TRIM6: variants seen among roughly 807,000 people sequenced by gnomAD.
TRIM6 encodes the protein tripartite motif-containing protein 6.
A neutral mutation model predicts 51.2 loss-of-function variants in TRIM6; 43 were observed. That is an observed-to-expected ratio of 0.84 (90% CI 0.66 to 1.08). The LOEUF is 1.08. TRIM6 is among the 50% of genes least tolerant of loss of function. The pLI is 0.00. For synonymous variants in TRIM6, 215 were observed against 232.4 expected, an observed-to-expected ratio of 0.93 and a Z score of 0.68; for missense variants, 669 against 619.0, an observed-to-expected ratio of 1.08 and a Z score of -0.86.
At chr11:5,610,464 G>T in intron 6 of TRIM6, 71 bp from the exon 7 acceptor site, 1 of 1,612,152 alleles carries the variant, frequency 6.2e-7, no homozygotes, top group Non-Finnish European at 8.5e-7. Flanking sequence ...CCTCAATGTA[G>T]TAAGGAGAGA....
chr11:5,602,001 C>G (rs2133825944), intron 1 of TRIM6, among the ~76,000 whole-genome samples: 1 of 152,204 alleles, frequency 6.6e-6, no homozygotes, highest in East Asian at 1.9e-4. Flanking sequence ...TTCTGACCCC[C>G]TCATTCATCC....
intron 1 of TRIM6, among the ~76,000 whole-genome samples, chr11:5,600,954 A>C (rs7125514): frequency 0.63 from 95,171 of 151,956 alleles, 29,943 homozygotes; most frequent in Middle Eastern, 0.8. Flanking sequence ...TTTTCTAAAG[A>C]GTATTCTCAG....
At chr11:5,609,439 G>C (rs541124640) in intron 5 of TRIM6, among the ~76,000 whole-genome samples, 2 of 152,178 alleles carry the variant, frequency 1.3e-5, no homozygotes, top group South Asian at 4.2e-4. Context: ...ATAGGCCCCT[G>C]GTGTTCTGCC....
Position 5,597,032 on chromosome 11 carries a change from T to C in TRIM6, c.17+118T>C, listed in dbSNP as rs1039882777. 60 of 1,539,348 alleles carry C rather than the reference T, an allele frequency of 3.9e-5. No homozygotes were observed. In the African/African-American group the frequency reaches 8.1e-4, roughly 21 times the overall value. On this transcript the variant is annotated intron_variant, in intron 1 of 7. Transcript: ENST00000380097. Reference sequence around the variant, plus strand: ...CTCATTATATCTTTATTTCTTTTTCTTTCTCACTGCAAATGACCCCACTGA... The same window carrying C: ...CTCATTATATCTTTATTTCTTTTTCCTTCTCACTGCAAATGACCCCACTGA...
Position 5,596,787 on chromosome 11 carries a change from T to C in TRIM6, c.-111T>C. On this transcript the variant is annotated 5_prime_UTR_variant, in exon 1 of 8. Coordinates refer to ENST00000380097, the MANE Select transcript of TRIM6 (RefSeq NM_001003818.3). ...TGGTTGAGTTTAGATAAAAGCCGAG[T>C]GAGCGCGCTCTGTTCCTTAAGATTA... The C allele has an allele frequency of 6.4e-7, 1 of 1,565,964 alleles. No individual in the cohort carries two copies. Among genetic ancestry groups the C allele is most frequent in the Non-Finnish European group, 8.8e-7 (1 of 1,140,518 alleles).
Position 5,596,639 on chromosome 11 carries a change from A to G in TRIM6, c.-259A>G, listed in dbSNP as rs1847480686. 2 of 422,120 alleles carry G rather than the reference A, an allele frequency of 4.7e-6. No individual in the cohort carries two copies. The highest frequency in any genetic ancestry group is 8.3e-6 in the Non-Finnish European group (2 of 239,706). 26.1% of individuals were successfully genotyped at this position (422,120 alleles called of 1,614,324 possible). A position where few individuals can be genotyped will look rare whatever the true frequency, so the allele number is the denominator to read the frequency against. ...CCCCAGGCGGCCCGACTCCTCCCAG[A>G]AGGAGTTGGGAGATGAGCCTTCCGC... On this transcript the variant is annotated 5_prime_UTR_variant, in exon 1 of 8. Coordinates refer to ENST00000380097, the MANE Select transcript of TRIM6 (RefSeq NM_001003818.3).
intron 2 of TRIM6, among the ~76,000 whole-genome samples, chr11:5,604,261 G>A (rs546067208): frequency 5.9e-5 from 9 of 152,214 alleles, no homozygotes; most frequent in Middle Eastern, 3.4e-3. Flanking sequence ...CAATCCACCC[G>A]CCTCAGCCTC....
Position 5,596,788 on chromosome 11 carries a change from G to T in TRIM6, c.-110G>T. On this transcript the variant is annotated 5_prime_UTR_variant, in exon 1 of 8. Transcript: ENST00000380097. ...GGTTGAGTTTAGATAAAAGCCGAGT[G>T]AGCGCGCTCTGTTCCTTAAGATTAG... 1 of 1,567,844 alleles carries T rather than the reference G, an allele frequency of 6.4e-7. No homozygotes were observed.
Position 5,605,561 on chromosome 11 carries a change from G to GGGCCGGGCGCGGTGGCTCACGCCTGTAAT in TRIM6, c.828_829insGGCCGGGCGCGGTGGCTCACGCCTGTAAT (p.Leu277GlyfsTer14). 1 of 1,612,432 alleles carries GGGCCGGGCGCGGTGGCTCACGCCTGTAAT rather than the reference G, an allele frequency of 6.2e-7. No homozygotes were observed. The highest frequency in any genetic ancestry group is 8.5e-7 in the Non-Finnish European group (1 of 1,179,306). Reference sequence around the variant, plus strand: ...GATGTCAGGGGTCAACAATGGAGCTGCTGCAGGTAAGGCTTGTGAAGGAGC... The same window carrying GGGCCGGGCGCGGTGGCTCACGCCTGTAAT: ...GATGTCAGGGGTCAACAATGGAGCTGGGCCGGGCGCGGTGGCTCACGCCTGTAATCTGCAGGTAAGGCTTGTGAAGGAGC... On this transcript the variant is annotated frameshift_variant, in exon 4 of 8. Transcript: ENST00000380097. LOFTEE classifies it high-confidence loss of function.
chr11:5,610,283 T>C (rs1370756619), intron 6 of TRIM6, 38 bp downstream of exon 6: 1 of 1,613,348 alleles, frequency 6.2e-7, no homozygotes, highest in Non-Finnish European at 8.5e-7. Flanking sequence ...GATGTGAAAT[T>C]ACTGTCGTGG....
intron 1 of TRIM6, among the ~76,000 whole-genome samples, chr11:5,600,761 G>A (rs1224925334): frequency 2.0e-5 from 3 of 152,064 alleles, no homozygotes; most frequent in Non-Finnish European, 2.9e-5. Flanking sequence ...AGAGAATTCT[G>A]CCTGCTCCCT....
At chr11:5,602,266 T>A (rs111575779) in intron 1 of TRIM6, among the ~76,000 whole-genome samples, 1 of 141,026 alleles carries the variant, frequency 7.1e-6, no homozygotes, top group South Asian at 2.2e-4. Flanking sequence ...CAGTGAAACC[T>A]CATCTCTACT....
chr11:5,609,846 C>G (rs1450500749), intron 5 of TRIM6, among the ~76,000 whole-genome samples: 1 of 152,152 alleles, frequency 6.6e-6, no homozygotes, highest in African/African-American at 2.4e-5. Flanking sequence ...TCGCTTGAAC[C>G]TGGGAGGTGG....
At chr11:5,610,593 C>G in intron 7 of TRIM6, 32 bp downstream of exon 7, 1 of 1,605,200 alleles carries the variant, frequency 6.2e-7, no homozygotes, top group Non-Finnish European at 8.5e-7. Context: ...TTTGGGCTGG[C>G]ACATTCTGAT....
At chr11:5,603,949 T>C (rs1848036075) in intron 2 of TRIM6, among the ~76,000 whole-genome samples, 1 of 151,918 alleles carries the variant, frequency 6.6e-6, no homozygotes, top group African/African-American at 2.4e-5. Flanking sequence ...GGTACTTGGT[T>C]GATTGAGTGT....
intron 4 of TRIM6, 94 bp from the exon 5 acceptor site, chr11:5,608,278 G>C (rs1322794136): frequency 1.3e-6 from 2 of 1,553,620 alleles, no homozygotes; most frequent in Non-Finnish European, 1.7e-6. Context: ...ATCTTTATTT[G>C]TATCATATCA....
chr11:5,603,608 A>C lies in TRIM6; in HGVS notation c.380A>C (p.Asp127Ala). 2 of 1,613,722 alleles carry C rather than the reference A, an allele frequency of 1.2e-6. No homozygotes were observed. Among genetic ancestry groups the C allele is most frequent in the Middle Eastern group, 1.6e-4 (1 of 6,062 alleles). ...GKQLKAVLCA[D>A]HGEKLQLFCQ... Reference sequence around the variant, plus strand: ...CAGCTGAAAGCAGTTCTTTGTGCAGACCATGGAGAAAAACTGCAGCTCTTC... The same window carrying C: ...CAGCTGAAAGCAGTTCTTTGTGCAGCCCATGGAGAAAAACTGCAGCTCTTC... Residue 127 changes from aspartate (D) to alanine (A), a missense_variant, in exon 2 of 8, where the codon GAC becomes GCC. Physicochemically the swap from Asp to Ala is moderately radical, Grantham distance 126. Transcript: ENST00000380097.
upstream of TRIM6, among the ~76,000 whole-genome samples, chr11:5,596,473 C>A (rs1847450710): frequency 6.6e-6 from 1 of 150,474 alleles, no homozygotes; most frequent in South Asian, 2.1e-4. Flanking sequence ...TTTTGTCAGG[C>A]GTGGATTCAG....
At chr11:5,608,847 A>ATTTTTTTTTTTTTTTTTT (rs370630648) in intron 5 of TRIM6, among the ~76,000 whole-genome samples, 1 of 101,902 alleles carries the variant, frequency 9.8e-6, no homozygotes, top group African/African-American at 4.3e-5. Context: ...TTGCCCATAA[A>ATTTTTTTTTTTTTTTTTT]TTTTTTTTTT....
Sources: allele counts gnomAD v4.1 joint callset (sites outside exome capture counted in the v4.1 genomes callset), GRCh38; gene constraint gnomAD v4.1.1; transcripts MANE v1.5; gene names NCBI Gene and HGNC (gene_info 2026-07-23, HGNC 2026-07-21).